TENM2: variants seen among roughly 807,000 people sequenced by gnomAD.
TENM2 encodes teneurin transmembrane protein 2.
TENM2 carries 52 observed loss-of-function variants against 245.2 expected under a neutral mutation model. The observed-to-expected ratio is 0.21, with a 90% CI of 0.17 to 0.27. The LOEUF (loss-of-function observed/expected upper bound fraction) is 0.27, where lower values mean the gene tolerates loss of function less well. Among genes scored for constraint, TENM2 ranks in the 10% least tolerant of loss-of-function variants. The pLI, the probability that TENM2 is intolerant of heterozygous loss-of-function variation, is 1.00. For synonymous variants in TENM2, 1,363 were observed against 1,438.9 expected (o/e 0.95, Z 1.19); for missense variants, 3,046 against 3,666.8 (o/e 0.83, Z 4.37).
At chr5:167,650,421 T>C (rs1459145364) in intron 2 of TENM2, among the ~76,000 whole-genome samples, 2 of 152,168 alleles carry the variant, frequency 1.3e-5, no homozygotes, top group African/African-American at 2.4e-5. Flanking sequence ...TCTTAGGAAA[T>C]ATATTTAACT....
chr5:167,302,522 A>G (rs563152153), intron 1 of TENM2, among the ~76,000 whole-genome samples: 5 of 149,452 alleles, frequency 3.3e-5, no homozygotes, highest in African/African-American at 7.6e-5. Context: ...AGGTCGGGGC[A>G]TGGAAATAAG....
intron 2 of TENM2, among the ~76,000 whole-genome samples, chr5:167,575,390 T>A (rs1774577522): frequency 6.6e-6 from 1 of 152,194 alleles, no homozygotes; most frequent in South Asian, 2.1e-4. Flanking sequence ...GCATTGTTGA[T>A]TTCAGCGGCC....
At chr5:167,691,944 G>C (rs974366612) in intron 2 of TENM2, among the ~76,000 whole-genome samples, 1 of 152,202 alleles carries the variant, frequency 6.6e-6, no homozygotes, top group African/African-American at 2.4e-5. Flanking sequence ...AGTTGCCCGT[G>C]TGGTTAAAGT....
At chr5:167,297,763 A>G (rs914148807) in intron 1 of TENM2, among the ~76,000 whole-genome samples, 1 of 152,008 alleles carries the variant, frequency 6.6e-6, no homozygotes, top group Non-Finnish European at 1.5e-5. Context: ...GGGCCATTTT[A>G]TAAGATTTGG....
intron 2 of TENM2, among the ~76,000 whole-genome samples, chr5:167,871,368 A>G (rs750530776): frequency 1.1e-4 from 17 of 152,092 alleles, no homozygotes; most frequent in Non-Finnish European, 1.9e-4. Flanking sequence ...CACAGCCACT[A>G]CCAATCTATC....
chr5:167,721,140 A>G (rs746885931), intron 2 of TENM2, among the ~76,000 whole-genome samples: 3 of 152,150 alleles, frequency 2.0e-5, no homozygotes, highest in Non-Finnish European at 2.9e-5. Flanking sequence ...TTGTCCTTCA[A>G]TCATTCATTA....
chr5:167,037,782 G>T, the TENM2 span, among the ~76,000 whole-genome samples: 1 of 152,202 alleles, frequency 6.6e-6, no homozygotes, highest in Non-Finnish European at 1.5e-5. Flanking sequence ...TTGTGAAGGG[G>T]CAAAGAAGGG....
chr5:168,196,467 T>C (rs1761437445), intron 15 of TENM2, among the ~76,000 whole-genome samples: 1 of 152,176 alleles, frequency 6.6e-6, no homozygotes, highest in Non-Finnish European at 1.5e-5. Flanking sequence ...TTTTGTTTGT[T>C]TGTTTGTTTT....
intron 3 of TENM2, among the ~76,000 whole-genome samples, chr5:167,946,011 A>G (rs1453258641): frequency 2.0e-5 from 3 of 152,196 alleles, no homozygotes; most frequent in Admixed American, 6.5e-5. Flanking sequence ...AGATCCAAGA[A>G]AGACTGCAGA....
chr5:167,956,499 G>A (rs193142074), intron 4 of TENM2, among the ~76,000 whole-genome samples: 3 of 152,042 alleles, frequency 2.0e-5, no homozygotes, highest in East Asian at 1.9e-4. Context: ...CCAGAACTTC[G>A]AGTACTATGT....
At position 168,195,041 on chromosome 5, in the gene TENM2, G is replaced by A. The variant is rs911465353; in HGVS notation, c.2781-135G>A. The A allele has an allele frequency of 2.9e-6, 3 of 1,047,754 alleles. No individual in the cohort carries two copies. The African/African-American group carries it at 4.8e-5, about 17-fold the overall frequency. 64.9% of individuals were successfully genotyped at this position (1,047,754 alleles called of 1,614,324 possible). ...CCCAAAATGTCACTAGCGTGATTGTGCAAAGCCAGAAGTTAATGTTGAAAG... is the reference window on the plus strand; with the variant it reads ...CCCAAAATGTCACTAGCGTGATTGTACAAAGCCAGAAGTTAATGTTGAAAG... On this transcript the variant is annotated intron_variant, in intron 14 of 28. Transcript: ENST00000518659.
the TENM2 span, among the ~76,000 whole-genome samples, chr5:167,183,424 G>A: frequency 6.6e-6 from 1 of 152,126 alleles, no homozygotes; most frequent in Non-Finnish European, 1.5e-5. Flanking sequence ...AACATGTTGT[G>A]AAACATCTTT....
intron 3 of TENM2, among the ~76,000 whole-genome samples, chr5:167,927,104 G>A (rs1299939857): frequency 6.6e-6 from 1 of 152,076 alleles, no homozygotes; most frequent in Non-Finnish European, 1.5e-5. Context: ...GTGTGTGTGT[G>A]TGCACATACA....
the TENM2 span, among the ~76,000 whole-genome samples, chr5:167,107,974 C>A: frequency 1.1e-4 from 16 of 152,306 alleles, no homozygotes; most frequent in Non-Finnish European, 1.9e-4. Context: ...CCACAGAGGG[C>A]AGCCAATGGA....
intron 2 of TENM2, among the ~76,000 whole-genome samples, chr5:167,640,904 T>TATATA (rs1561629289): frequency 2.3e-4 from 26 of 113,468 alleles, no homozygotes; most frequent in African/African-American, 6.7e-4. Context: ...TATATATATA[T>TATATA]ATCTTTCTCT....
chr5:167,096,104 T>G, the TENM2 span, among the ~76,000 whole-genome samples: 1 of 152,186 alleles, frequency 6.6e-6, no homozygotes, highest in African/African-American at 2.4e-5. Context: ...TTGTTGTGTT[T>G]GTGTGTTTCA....
rs1725601684 is a variant in TENM2, at chr5:167,919,495, A to G, written c.713-33093A>G. Among the ~76,000 whole-genome samples, 3 of 152,238 alleles carry G rather than the reference A, an allele frequency of 2.0e-5. No homozygotes were observed. In the South Asian group the frequency reaches 6.2e-4, roughly 31 times the overall value. ...ATTGGGTAGGAAGCCTCTGAATGCA[A>G]GCAAATTATAGTTTAAGGACACATT... On this transcript the variant is annotated intron_variant, in intron 3 of 28. Transcript: ENST00000518659.
the TENM2 span, among the ~76,000 whole-genome samples, chr5:167,039,777 T>C: frequency 1.3e-5 from 2 of 152,152 alleles, no homozygotes; most frequent in Non-Finnish European, 2.9e-5. Flanking sequence ...CTAAAGGTTC[T>C]GAAATGGATT....
At chr5:168,090,528 C>A (rs770750645) in intron 7 of TENM2, 46 bp from the exon 10 acceptor site, 12 of 1,556,006 alleles carry the variant, frequency 7.7e-6, no homozygotes, top group Admixed American at 6.9e-5. Flanking sequence ...TATGGGACCA[C>A]ATCCACACCT....
Sources: gnomAD v4.1 joint callset for allele counts (sites outside exome capture counted in the v4.1 genomes callset) on GRCh38, gnomAD v4.1.1 for gene constraint, MANE v1.5 for transcripts, NCBI Gene and HGNC (gene_info 2026-07-23, HGNC 2026-07-21) for gene names.